Variants in KCNK1 observed in about 807,000 individuals in gnomAD.
KCNK1 encodes the protein potassium two pore domain channel subfamily K member 1, also known as potassium channel subfamily K member 1.
A neutral mutation model predicts 22.2 loss-of-function variants in KCNK1; 10 were observed. That is an observed-to-expected ratio of 0.45 (90% CI 0.28 to 0.76). The LOEUF (loss-of-function observed/expected upper bound fraction) is 0.76, where lower values mean the gene tolerates loss of function less well. Ranked by LOEUF, KCNK1 falls within the 30% of genes least tolerant of loss-of-function variation. The pLI is 0.14. For synonymous variants in KCNK1, 200 were observed against 186.4 expected (o/e 1.07, Z -0.60); for missense variants, 378 against 421.0 (o/e 0.90, Z 0.89).
At chr1:233,656,515 T>C (rs1658298690) in intron 1 of KCNK1, among the ~76,000 whole-genome samples, 1 of 152,366 alleles carries the variant, frequency 6.6e-6, no homozygotes, top group South Asian at 2.1e-4. Flanking sequence ...GAGTGCTTTT[T>C]CCCCTTGGCT....
rs1035319657 is a variant in KCNK1, at chr1:233,639,239, C to T, written c.355+24713C>T. Among the ~76,000 whole-genome samples, 17 of 152,140 alleles carry T rather than the reference C, an allele frequency of 1.1e-4. 1 individual carries two copies. Among genetic ancestry groups the T allele is most frequent in the Admixed American group, 9.2e-4 (14 of 15,278 alleles). On this transcript the variant is annotated intron_variant, in intron 1 of 2. Transcript: ENST00000366621. ...GCATATTTTTAACCACTCATTTGGCCCCTAATATCCTGTTTTGCATTTTTA... is the reference window on the plus strand; with the variant it reads ...GCATATTTTTAACCACTCATTTGGCTCCTAATATCCTGTTTTGCATTTTTA...
At chr1:233,648,105 ATACTT>A (rs1658129621) in intron 1 of KCNK1, among the ~76,000 whole-genome samples, 1 of 152,196 alleles carries the variant, frequency 6.6e-6, no homozygotes, top group Non-Finnish European at 1.5e-5. Flanking sequence ...ACATTTGACT[ATACTT>A]TAATGTTTTG....
At chr1:233,615,957 A>G (rs1390490771) in intron 1 of KCNK1, among the ~76,000 whole-genome samples, 2 of 152,156 alleles carry the variant, frequency 1.3e-5, no homozygotes, top group Non-Finnish European at 1.5e-5. Context: ...AAACTGTTAA[A>G]TGTAGCGCTA....
At chr1:233,639,654 G>C (rs559475087) in intron 1 of KCNK1, among the ~76,000 whole-genome samples, 3 of 152,224 alleles carry the variant, frequency 2.0e-5, no homozygotes, top group African/African-American at 7.2e-5. Context: ...ATAAGGGAGA[G>C]AGTTGATGCT....
chr1:233,633,494 A>G (rs1436115056), intron 1 of KCNK1, among the ~76,000 whole-genome samples: 1 of 152,188 alleles, frequency 6.6e-6, no homozygotes, highest in East Asian at 1.9e-4. Context: ...TGATTTCATT[A>G]CACTCCTAAA....
At chr1:233,670,224 C>T (rs1288577864) in intron 2 of KCNK1, among the ~76,000 whole-genome samples, 1 of 152,140 alleles carries the variant, frequency 6.6e-6, no homozygotes, top group Non-Finnish European at 1.5e-5. Flanking sequence ...AACAGTTATC[C>T]TTCATTTTCC....
chr1:233,665,879 A>G (rs1658479814), intron 1 of KCNK1, among the ~76,000 whole-genome samples: 2 of 152,252 alleles, frequency 1.3e-5, no homozygotes, highest in African/African-American at 2.4e-5. Flanking sequence ...TTTATTAAGC[A>G]TAACATCTTG....
chr1:233,631,811 T>G (rs1269122788), intron 1 of KCNK1, among the ~76,000 whole-genome samples: 3 of 152,088 alleles, frequency 2.0e-5, no homozygotes, highest in Admixed American at 6.6e-5. Context: ...TAGATTCTGG[T>G]TTTTTTTAAG....
intron 1 of KCNK1, among the ~76,000 whole-genome samples, chr1:233,619,694 G>A (rs987831395): frequency 9.9e-5 from 15 of 151,962 alleles, no homozygotes; most frequent in East Asian, 5.8e-4. Flanking sequence ...GGTGGATCAC[G>A]CAGTCAGGAG....
At position 233,671,457 on chromosome 1, in the gene KCNK1, A is replaced by G. The variant is rs764398476; in HGVS notation, c.938A>G (p.Glu313Gly). The G allele has an allele frequency of 6.2e-7, 1 of 1,614,200 alleles. No individual in the cohort carries two copies. The highest frequency in any genetic ancestry group is 1.1e-5 in the South Asian group (1 of 91,084). ...SITDQAAGMK[E>G]DQKQNEPFVA... ...ACAGACCAGGCAGCTGGCATGAAAG[A>G]GGACCAGAAGCAAAATGAGCCTTTT... The change falls in exon 3 of 3, where the codon GAG (glutamate) becomes GGG (glycine). Residue 313 changes from glutamate (E) to glycine (G), a missense_variant. Glu to Gly is a moderately conservative substitution (Grantham distance 98, BLOSUM62 -2). Transcript: ENST00000366621.
At chr1:233,624,997 TTC>T (rs1451827805) in intron 1 of KCNK1, among the ~76,000 whole-genome samples, 5 of 152,166 alleles carry the variant, frequency 3.3e-5, no homozygotes, top group Admixed American at 3.3e-4. Flanking sequence ...CCTCTGAAGT[TTC>T]ACTGAAAATC....
chr1:233,647,216 AT>A (rs1229526967), intron 1 of KCNK1, among the ~76,000 whole-genome samples: 1 of 152,104 alleles, frequency 6.6e-6, no homozygotes, highest in Non-Finnish European at 1.5e-5. Flanking sequence ...TCCAGATGAA[AT>A]CCTCTTGGTA....
chr1:233,658,119 A>G (rs1461269452), intron 1 of KCNK1, among the ~76,000 whole-genome samples: 1 of 152,210 alleles, frequency 6.6e-6, no homozygotes. Flanking sequence ...AAAAATAAGG[A>G]CAAATAATCA....
chr1:233,664,231 T>G (rs760441330), intron 1 of KCNK1, among the ~76,000 whole-genome samples: 1 of 152,182 alleles, frequency 6.6e-6, no homozygotes, highest in African/African-American at 2.4e-5. Flanking sequence ...CTCGCTGAAG[T>G]TGTAGCTCCC....
At chr1:233,616,490 T>A (rs1276806511) in intron 1 of KCNK1, among the ~76,000 whole-genome samples, 1 of 152,212 alleles carries the variant, frequency 6.6e-6, no homozygotes, top group Non-Finnish European at 1.5e-5. Context: ...GACGTCTTAT[T>A]ATTGGTATTC....
Position 233,614,455 on chromosome 1 carries a change from A to G in KCNK1, c.284A>G (p.Asn95Ser). ...ASNYGVSVLSNASGNWNWDFT... is the reference protein window; with the variant it reads ...ASNYGVSVLSSASGNWNWDFT... Reference sequence around the variant, plus strand: ...AACTACGGCGTGTCGGTGCTCAGCAACGCCTCGGGCAACTGGAACTGGGAC... The same window carrying G: ...AACTACGGCGTGTCGGTGCTCAGCAGCGCCTCGGGCAACTGGAACTGGGAC... Residue 95 changes from asparagine (N) to serine (S), a missense_variant, in exon 1 of 3, where the codon AAC becomes AGC. Coordinates refer to ENST00000366621, the MANE Select transcript of KCNK1 (RefSeq NM_002245.4). 1 of 1,613,314 alleles carries G rather than the reference A, an allele frequency of 6.2e-7. No homozygotes were observed.
At chr1:233,641,111 C>T (rs1437322284) in intron 1 of KCNK1, among the ~76,000 whole-genome samples, 1 of 152,170 alleles carries the variant, frequency 6.6e-6, no homozygotes, top group Non-Finnish European at 1.5e-5. Flanking sequence ...GTTTCTTCAG[C>T]AAATAAATGG....
At chr1:233,649,412 T>C (rs550804190) in intron 1 of KCNK1, among the ~76,000 whole-genome samples, 1 of 152,324 alleles carries the variant, frequency 6.6e-6, no homozygotes, top group South Asian at 2.1e-4. Context: ...TCCTCTACTC[T>C]TGCATGAAGA....
At chr1:233,667,602 C>T (rs1290770605) in intron 2 of KCNK1, among the ~76,000 whole-genome samples, 1 of 151,184 alleles carries the variant, frequency 6.6e-6, no homozygotes. Flanking sequence ...TGGTAGCGGG[C>T]GCCTGTAGTC....
Sources: gnomAD v4.1 joint callset for allele counts (sites outside exome capture counted in the v4.1 genomes callset) on GRCh38, gnomAD v4.1.1 for gene constraint, MANE v1.5 for transcripts, NCBI Gene and HGNC (gene_info 2026-07-23, HGNC 2026-07-21) for gene names.